The following SDHA variants were observed in gnomAD, a reference collection of about 807,000 sequenced individuals.
The protein encoded by SDHA is succinate dehydrogenase complex flavoprotein subunit A.
A neutral mutation model predicts 78.4 loss-of-function variants in SDHA; 48 were observed. That is an observed-to-expected ratio of 0.61 (90% CI 0.49 to 0.78). SDHA has a LOEUF of 0.78. SDHA is among the 30% of genes least tolerant of loss of function. The pLI, the probability that SDHA is intolerant of heterozygous loss-of-function variation, is 0.00. For synonymous variants in SDHA, 326 were observed against 353.9 expected (o/e 0.92, Z 0.88); for missense variants, 680 against 892.7 (o/e 0.76, Z 3.04).
At chr5:248,033 T>G (rs537577827) in intron 11 of SDHA, among the ~76,000 whole-genome samples, 20 of 152,364 alleles carry the variant, frequency 1.3e-4, no homozygotes, top group African/African-American at 4.1e-4. Flanking sequence ...CCAGATCTTA[T>G]CAGCAGCTGA....
At chr5:234,743 C>T in intron 8 of SDHA, 1 of 302,568 alleles carries the variant, frequency 3.3e-6, no homozygotes, top group Non-Finnish European at 6.5e-6. Context: ...AAATACTCTC[C>T]CATTTTATAT....
intron 6 of SDHA, 64 bp downstream of exon 6, chr5:228,397 T>G: frequency 6.6e-7 from 1 of 1,508,844 alleles, no homozygotes; most frequent in Non-Finnish European, 9.1e-7. Flanking sequence ...TAGAGTTTCT[T>G]TATTTTAATG....
chr5:255,456 G>A (rs984045133), intron 14 of SDHA, among the ~76,000 whole-genome samples: 3 of 150,314 alleles, frequency 2.0e-5, no homozygotes, highest in African/African-American at 7.4e-5. Context: ...GGGTTTTTTG[G>A]TTTTTTTTTG....
chr5:233,849 A>G, intron 8 of SDHA: 1 of 552,836 alleles, frequency 1.8e-6, no homozygotes, highest in South Asian at 2.0e-5. Context: ...TCTTTCTCAA[A>G]TCTGTGGAAC....
At chr5:245,091 A>T (rs550538571) in intron 11 of SDHA, among the ~76,000 whole-genome samples, 17 of 152,368 alleles carry the variant, frequency 1.1e-4, no homozygotes, top group Non-Finnish European at 1.9e-4. Context: ...CACTGAGTAA[A>T]GAGAAACTGG....
intron 11 of SDHA, chr5:249,705 T>G (rs191181833): frequency 1.2e-3 from 182 of 152,376 alleles, no homozygotes; most frequent in African/African-American, 4.2e-3. Context: ...ACCCCTGATT[T>G]CCCACTTCAC....
chr5:220,340 G>A (rs1334982675), intron 1 of SDHA: 1 of 441,100 alleles, frequency 2.3e-6, no homozygotes, highest in Non-Finnish European at 4.5e-6. Flanking sequence ...TACTTCAGGT[G>A]AAGTTTTTCA....
Position 235,358 on chromosome 5 carries a change from C to T in SDHA, c.1260+19C>T, listed in dbSNP as rs1735711604. 2.5e-6 allele frequency: 4 copies of T among 1,613,108 alleles called. No homozygotes were observed. The highest frequency in any genetic ancestry group is 3.4e-6 in the Non-Finnish European group (4 of 1,179,054). ...GGGGCAGGTGATGGTGCTGGCTCCTCCCCCACAGCTGGAAAGAAGGCTGGG... is the reference window on the plus strand; with the variant it reads ...GGGGCAGGTGATGGTGCTGGCTCCTTCCCCACAGCTGGAAAGAAGGCTGGG... On this transcript the variant is annotated intron_variant, in intron 9 of 14. Transcript: ENST00000264932.
chr5:242,287 G>A (rs937760353), intron 11 of SDHA, among the ~76,000 whole-genome samples: 4 of 152,296 alleles, frequency 2.6e-5, no homozygotes, highest in African/African-American at 4.8e-5. Context: ...TGACGCCCAC[G>A]CTAGAAGGCT....
intron 11 of SDHA, chr5:249,847 T>C (rs999014990): frequency 6.6e-6 from 1 of 152,200 alleles, no homozygotes. Flanking sequence ...AGATAGAATT[T>C]CCAAACAATT....
At chr5:253,968 G>A (rs1737018217) in intron 13 of SDHA, among the ~76,000 whole-genome samples, 1 of 151,918 alleles carries the variant, frequency 6.6e-6, no homozygotes, top group African/African-American at 2.4e-5. Flanking sequence ...TTGAGCCTGG[G>A]AAGTCAAGGC....
chr5:243,036 G>A (rs1260927317), intron 11 of SDHA, among the ~76,000 whole-genome samples: 2 of 152,120 alleles, frequency 1.3e-5, no homozygotes, highest in African/African-American at 4.8e-5. Context: ...AGGACAGTGG[G>A]CGAAAAGTAG....
At position 251,780 on chromosome 5, in the gene SDHA, T is replaced by C. The variant is rs1424796026; in HGVS notation, c.1794+312T>C. On this transcript the variant is annotated intron_variant, in intron 13 of 14. Transcript: ENST00000264932. ...CAAGACCAGGAAATAAATGCCAGTT[T>C]ATTAAATAACGAGTAAGCCATCATT... 2.6e-4 allele frequency: 338 copies of C among 1,312,362 alleles called. 1 individual carries two copies. Among genetic ancestry groups the C allele is most frequent in the Non-Finnish European group, 3.3e-4 (329 of 1,008,578 alleles). The allele number at this position is 1,312,362 out of a possible 1,614,324, so 81.3% of individuals were successfully genotyped here.
chr5:224,965 G>A (rs548242185), intron 3 of SDHA: 12 of 337,880 alleles, frequency 3.6e-5, no homozygotes, highest in African/African-American at 2.3e-4. Flanking sequence ...CTGGGGTACA[G>A]GGGAGTGCGA....
chr5:252,453 G>T (rs575948547), intron 13 of SDHA, among the ~76,000 whole-genome samples: 2 of 150,150 alleles, frequency 1.3e-5, no homozygotes, highest in South Asian at 4.3e-4. Flanking sequence ...GGAAATGCCA[G>T]TTTATTAAAT....
chr5:228,190 G>A lies in SDHA; in HGVS notation c.627G>A (p.Leu209=), dbSNP rs149821224. 5.6e-6 allele frequency: 9 copies of A among 1,613,346 alleles called. No individual in the cohort carries two copies. The highest frequency in any genetic ancestry group is 7.6e-6 in the Non-Finnish European group (9 of 1,179,762). The change falls in exon 6 of 15, where the codon CTG becomes CTA. Residue 209 remains leucine (L), a synonymous_variant. Coordinates refer to ENST00000264932, the MANE Select transcript of SDHA (RefSeq NM_004168.4). ...SLLHTLYGRS[L]RYDTSYFVEY... is the part of the protein sequence containing the mutation. The stretch of plus-strand genomic sequence containing the variant: ...TTTTTTTTCCTTTCTTTTAGTCTCT[G>A]CGATATGATACCAGCTATTTTGTGG...
At chr5:226,096 T>A (rs750444002) in intron 5 of SDHA, 49 bp downstream of exon 5, 1 of 1,605,716 alleles carries the variant, frequency 6.2e-7, no homozygotes, top group Admixed American at 1.7e-5. Flanking sequence ...TGCTGGGGCT[T>A]ATGGTGACAG....
Position 233,491 on chromosome 5 carries a change from G to A in SDHA, c.910G>A (p.Gly304Ser). ...GTTTTTTGCAGGCATATATGGTGCT[G>A]GTTGTCTCATTACGGAAGGATGTCG... ...QFHPTGIYGA[G>S]CLITEGCRGE... Residue 304 changes from glycine (G) to serine (S), a missense_variant, in exon 8 of 15, where the codon GGT becomes AGT. Physicochemically the swap from Gly to Ser is moderately conservative, Grantham distance 56 (BLOSUM62 0). Coordinates refer to ENST00000264932, the MANE Select transcript of SDHA (RefSeq NM_004168.4). The A allele has an allele frequency of 6.2e-7, 1 of 1,614,174 alleles. No homozygotes were observed. Among genetic ancestry groups the A allele is most frequent in the Non-Finnish European group, 8.5e-7 (1 of 1,180,000 alleles).
intron 9 of SDHA, chr5:235,651 T>G (rs1735728993): frequency 5.0e-6 from 2 of 399,438 alleles, no homozygotes; most frequent in Admixed American, 7.3e-5. Context: ...TTCATTCCTT[T>G]GAGTGGTTTG....
Sources: gnomAD v4.1 joint callset for allele counts (sites outside exome capture counted in the v4.1 genomes callset) on GRCh38, gnomAD v4.1.1 for gene constraint, MANE v1.5 for transcripts, NCBI Gene and HGNC (gene_info 2026-07-23, HGNC 2026-07-21) for gene names.